The following NECAB2 variants were observed in gnomAD, a reference collection of about 807,000 sequenced individuals.
NECAB2 encodes N-terminal EF-hand calcium binding protein 2, also known as N-terminal EF-hand calcium-binding protein 2.
A neutral mutation model predicts 51.9 loss-of-function variants in NECAB2; 68 were observed. That is an observed-to-expected ratio of 1.31 (90% confidence interval 1.08 to 1.60). NECAB2 has a LOEUF of 1.60. Among genes scored for constraint, NECAB2 ranks in the 40% most tolerant of loss-of-function variants. The pLI is 0.00. For synonymous variants in NECAB2, 329 were observed against 203.5 expected (o/e 1.62, Z -5.25); for missense variants, 854 against 490.3 (o/e 1.74, Z -7.00).
chr16:83,987,736 C>T (rs899417175), intron 5 of NECAB2, among the ~76,000 whole-genome samples: 1 of 152,098 alleles, frequency 6.6e-6, no homozygotes, highest in South Asian at 2.1e-4. Context: ...ATGAGTATTA[C>T]ATAGTTAATA....
chr16:83,998,067 C>G (rs1461710854), intron 9 of NECAB2, 138 bp from the exon 10 acceptor site: 2 of 730,964 alleles, frequency 2.7e-6, no homozygotes, highest in South Asian at 1.8e-5. Context: ...CCATTCTTAT[C>G]CATTCATGGG....
At chr16:83,978,694 C>T (rs2084447957) in intron 3 of NECAB2, 142 bp downstream of exon 3, 2 of 665,724 alleles carry the variant, frequency 3.0e-6, no homozygotes, top group South Asian at 3.6e-5. Flanking sequence ...GAAGTCAGCT[C>T]TTCACTGCCT....
intron 5 of NECAB2, among the ~76,000 whole-genome samples, chr16:83,984,821 G>A (rs1242917860): frequency 6.6e-6 from 1 of 152,076 alleles, no homozygotes; most frequent in East Asian, 1.9e-4. Flanking sequence ...TGACAGTTTT[G>A]CCTGTTTTAA....
intron 2 of NECAB2, among the ~76,000 whole-genome samples, chr16:83,974,433 G>A (rs939516609): frequency 3.3e-5 from 5 of 152,160 alleles, no homozygotes; most frequent in South Asian, 2.1e-4. Flanking sequence ...CAAATGCCTC[G>A]GAAATGGGAG....
chr16:83,978,348 C>T, intron 2 of NECAB2, 96 bp from the exon 3 acceptor site: 1 of 886,422 alleles, frequency 1.1e-6, no homozygotes, highest in Non-Finnish European at 1.8e-6. Context: ...TTCTGTCAGT[C>T]AGGCCATTGA....
chr16:83,974,911 CGTG>C (rs1257105462), intron 2 of NECAB2, among the ~76,000 whole-genome samples: 1 of 65,616 alleles, frequency 1.5e-5, no homozygotes, highest in Non-Finnish European at 2.9e-5. Flanking sequence ...TGCAGGGAGG[CGTG>C]GGTGCGGGGA....
intron 11 of NECAB2, among the ~76,000 whole-genome samples, chr16:84,001,331 G>GGGCCTAGGAGCA (rs2084829778): frequency 2.0e-5 from 3 of 151,948 alleles, no homozygotes; most frequent in African/African-American, 7.3e-5. Context: ...GGCAGGAAGC[G>GGGCCTAGGAGCA]GGGCCTAGGG....
intron 6 of NECAB2, among the ~76,000 whole-genome samples, chr16:83,993,171 C>G (rs1209949861): frequency 2.0e-5 from 3 of 152,174 alleles, no homozygotes; most frequent in Admixed American, 6.5e-5. Context: ...TTTCCCAGCC[C>G]CAGGACAGTC....
At chr16:84,001,126 C>G (rs1301442055) in intron 11 of NECAB2, among the ~76,000 whole-genome samples, 1 of 152,112 alleles carries the variant, frequency 6.6e-6, no homozygotes, top group Admixed American at 6.5e-5. Flanking sequence ...AGTTGAGGGC[C>G]TAACCTAGAA....
intron 6 of NECAB2, among the ~76,000 whole-genome samples, 187 bp from the exon 7 acceptor site, chr16:83,994,115 G>A (rs1345529370): frequency 6.6e-6 from 1 of 152,228 alleles, no homozygotes; most frequent in African/African-American, 2.4e-5. Context: ...CTAGCTGCGT[G>A]GCCCTGGCTG....
At position 84,001,926 on chromosome 16, in the gene NECAB2, A is replaced by C; in HGVS notation, c.1132+10A>C. The C allele has an allele frequency of 1.2e-6, 2 of 1,613,212 alleles. No homozygotes were observed. Among genetic ancestry groups the C allele is most frequent in the Non-Finnish European group, 1.7e-6 (2 of 1,179,508 alleles). ...AGGATCTTGGTGCCAGGTAGGGGGC[A>C]AAGGCCTGGAACTGCAGTGGCCACC... On this transcript the variant is annotated intron_variant, in intron 12 of 12. Transcript: ENST00000305202.
rs368424881 is a variant in NECAB2, at chr16:84,001,817, C to G, written c.1041-8C>G. The stretch of plus-strand genomic sequence containing the variant: ...CACCCCTGACTCACACATGTCCCTG[C>G]GTCACAGGCACCTGCAGAGCCCCCT... On this transcript the variant is annotated splice_polypyrimidine_tract_variant and splice_region_variant and intron_variant, in intron 11 of 12. Coordinates refer to ENST00000305202, the MANE Select transcript of NECAB2 (RefSeq NM_019065.3). 7 of 1,613,802 alleles carry G rather than the reference C, an allele frequency of 4.3e-6. No individual in the cohort carries two copies. Among genetic ancestry groups the G allele is most frequent in the East Asian group, 2.2e-5 (1 of 44,886 alleles).
rs2084310770 is a variant in NECAB2 at position 83,968,287 on chromosome 16, G to A, written c.-362G>A. Among the ~76,000 whole-genome samples the A allele has an allele frequency of 6.6e-6, 1 of 151,374 alleles. No homozygotes were observed. Among genetic ancestry groups the A allele is most frequent in the South Asian group, 2.1e-4 (1 of 4,828 alleles). On this transcript the variant is annotated 5_prime_UTR_variant, in exon 1 of 13. Transcript: ENST00000305202. ...GTGGGAGGGGGGACTTTAGAAGCGGGGAGAGCAGGAGACTTTTGGGGAGCA... is the reference window on the plus strand; with the variant it reads ...GTGGGAGGGGGGACTTTAGAAGCGGAGAGAGCAGGAGACTTTTGGGGAGCA...
intron 2 of NECAB2, among the ~76,000 whole-genome samples, chr16:83,973,375 C>T (rs999188841): frequency 6.6e-5 from 10 of 152,158 alleles, no homozygotes; most frequent in Non-Finnish European, 1.3e-4. Context: ...AGGGCAGGTG[C>T]ACAGGCCTGG....
chr16:83,993,453 G>A (rs1179018452), intron 6 of NECAB2: 1 of 154,186 alleles, frequency 6.5e-6, no homozygotes, highest in Non-Finnish European at 1.5e-5. Context: ...CAGAGACCAA[G>A]CGGGTGTTGG....
chr16:83,966,233 G>A (rs1022986169), upstream of NECAB2: 2 of 550,732 alleles, frequency 3.6e-6, no homozygotes, highest in Non-Finnish European at 6.3e-6. Context: ...TGGGATTTGT[G>A]GGGAAAGCTG....
chr16:84,001,480 C>A (rs908997330), intron 11 of NECAB2, among the ~76,000 whole-genome samples: 2 of 152,150 alleles, frequency 1.3e-5, no homozygotes, highest in Non-Finnish European at 2.9e-5. Flanking sequence ...ACTCATAAAA[C>A]GAGGGACTAA....
chr16:83,966,784 C>G (rs2084285356), upstream of NECAB2, among the ~76,000 whole-genome samples: 1 of 152,220 alleles, frequency 6.6e-6, no homozygotes, highest in Admixed American at 6.5e-5. Flanking sequence ...ATCACTTCCT[C>G]TAGGAAGCCT....
chr16:83,966,240 G>T, upstream of NECAB2: 1 of 547,808 alleles, frequency 1.8e-6, no homozygotes, highest in Non-Finnish European at 3.2e-6. Flanking sequence ...TGTGGGGAAA[G>T]CTGCTGGTGT....
Sources: allele counts gnomAD v4.1 joint callset (sites outside exome capture counted in the v4.1 genomes callset), GRCh38; gene constraint gnomAD v4.1.1; transcripts MANE v1.5; gene names NCBI Gene and HGNC (gene_info 2026-07-23, HGNC 2026-07-21).